Variants in HECW1 observed in about 807,000 individuals in gnomAD.
HECW1 encodes HECT, C2 and WW domain containing E3 ubiquitin protein ligase 1.
HECW1 carries 61 observed loss-of-function variants against 182.3 expected under a neutral mutation model. That is an observed-to-expected ratio of 0.33 (90% CI 0.27 to 0.41). The LOEUF is 0.41. Among genes scored for constraint, HECW1 ranks in the 10% least tolerant of loss-of-function variants. The probability of loss-of-function intolerance (pLI) is 1.00; values close to 1 mark genes in which losing one functional copy is unlikely to be tolerated. For missense variants in HECW1, 1,739 were observed against 2,108.9 expected (o/e 0.82, Z 3.44); for synonymous variants, 859 against 832.6 (o/e 1.03, Z -0.55).
intron 2 of HECW1, among the ~76,000 whole-genome samples, chr7:43,134,316 C>T (rs1007560808): frequency 1.4e-5 from 2 of 145,750 alleles, no homozygotes; most frequent in Admixed American, 1.4e-4. Context: ...ACCGCTTGAA[C>T]CCGGGAGGCA....
chr7:43,505,458 A>G (rs2079538648), intron 21 of HECW1, among the ~76,000 whole-genome samples: 1 of 152,222 alleles, frequency 6.6e-6, no homozygotes, highest in Non-Finnish European at 1.5e-5. Flanking sequence ...AAGTGACATC[A>G]TGCCAGCCAC....
intron 2 of HECW1, among the ~76,000 whole-genome samples, chr7:43,230,893 ATAAAT>A (rs10602318): frequency 0.23 from 34,471 of 151,860 alleles, 4,361 homozygotes; most frequent in Non-Finnish European, 0.28. Context: ...TTTAAAAAAA[ATAAAT>A]TAAAGCAGAA....
chr7:43,501,169 ACTTTCTTTT>A (rs765659758), intron 20 of HECW1, 35 bp from the exon 21 acceptor site: 2 of 1,177,212 alleles, frequency 1.7e-6, no homozygotes, highest in Non-Finnish European at 1.2e-6. Flanking sequence ...TGTAAAACTG[ACTTTCTTTT>A]CTTTCTTTTT....
At chr7:43,339,681 A>G (rs1156404540) in intron 5 of HECW1, among the ~76,000 whole-genome samples, 3 of 152,168 alleles carry the variant, frequency 2.0e-5, no homozygotes, top group African/African-American at 4.8e-5. Context: ...ATCTTCTCCC[A>G]AAGAGGGTTT....
chr7:43,455,812 C>G (rs2077383300), intron 12 of HECW1, among the ~76,000 whole-genome samples: 1 of 151,986 alleles, frequency 6.6e-6, no homozygotes, highest in African/African-American at 2.4e-5. Flanking sequence ...CAACCATGGC[C>G]AACATGGTGA....
chr7:43,461,659 C>T (rs887246480), intron 13 of HECW1, among the ~76,000 whole-genome samples: 1 of 152,158 alleles, frequency 6.6e-6, no homozygotes, highest in Admixed American at 6.5e-5. Context: ...CTTCACCATC[C>T]ATCACTCTTC....
chr7:43,521,033 C>T (rs958071994), intron 24 of HECW1, among the ~76,000 whole-genome samples: 1 of 152,180 alleles, frequency 6.6e-6, no homozygotes, highest in African/African-American at 2.4e-5. Context: ...CATGCCTGCT[C>T]CAACTCTCAG....
chr7:43,369,224 C>T (rs1348085135), intron 6 of HECW1, among the ~76,000 whole-genome samples: 1 of 152,040 alleles, frequency 6.6e-6, no homozygotes, highest in African/African-American at 2.4e-5. Context: ...TTTGGGAGGC[C>T]GAGGCAGGCA....
At chr7:43,332,073 TTTCTGCTGACCA>T (rs1400721982) in intron 5 of HECW1, among the ~76,000 whole-genome samples, 1 of 152,090 alleles carries the variant, frequency 6.6e-6, no homozygotes, top group Non-Finnish European at 1.5e-5. Context: ...AAGAAATGTG[TTTCTGCTGACCA>T]TTCTACAGTG....
intron 17 of HECW1, among the ~76,000 whole-genome samples, chr7:43,484,855 G>A (rs2078569091): frequency 6.6e-6 from 1 of 152,196 alleles, no homozygotes; most frequent in South Asian, 2.1e-4. Context: ...AGCAAAGCAG[G>A]CCTTATCTCT....
In HECW1 at chr7:43,112,817, C is replaced by G; in HGVS notation, c.-387C>G. 2 of 228,984 alleles carry G rather than the reference C, an allele frequency of 8.7e-6. No homozygotes were observed. The highest frequency in any genetic ancestry group is 1.2e-4 in the East Asian group (2 of 16,336). 14.2% of individuals were successfully genotyped at this position (228,984 alleles called of 1,614,324 possible). ...AGAGCGCAGCGAGAGCGGGCGGTCG[C>G]CAGGGTCCCCTCCCCAGCCAGTCCC... On this transcript the variant is annotated 5_prime_UTR_variant, in exon 1 of 30. Coordinates refer to ENST00000395891, the MANE Select transcript of HECW1 (RefSeq NM_015052.5).
intron 2 of HECW1, among the ~76,000 whole-genome samples, chr7:43,217,682 C>A (rs965073073): frequency 2.0e-5 from 3 of 152,140 alleles, no homozygotes; most frequent in Non-Finnish European, 4.4e-5. Flanking sequence ...TGATGAGGGG[C>A]TTAGGCATCA....
intron 2 of HECW1, among the ~76,000 whole-genome samples, chr7:43,140,870 C>T (rs1788082177): frequency 1.3e-5 from 2 of 152,154 alleles, no homozygotes; most frequent in South Asian, 2.1e-4. Context: ...CCTCACTCTG[C>T]TCACGTGGCC....
At position 43,366,912 on chromosome 7, in the gene HECW1, T is replaced by C. The variant is rs1472250157; in HGVS notation, c.555+5932T>C. Among the ~76,000 whole-genome samples the C allele has an allele frequency of 3.3e-5, 5 of 152,174 alleles. No individual in the cohort carries two copies. The East Asian group carries it at 7.7e-4, about 23-fold the overall frequency. On this transcript the variant is annotated intron_variant, in intron 6 of 29. Coordinates refer to ENST00000395891, the MANE Select transcript of HECW1 (RefSeq NM_015052.5). ...TGAGATCCCGGGAGAGCAGGCAGCCTTACACAGACCTCAGAACCACAGGAC... is the reference window on the plus strand; with the variant it reads ...TGAGATCCCGGGAGAGCAGGCAGCCCTACACAGACCTCAGAACCACAGGAC...
chr7:43,442,482 G>A (rs2076919441), intron 9 of HECW1, 47 bp from the exon 10 acceptor site: 1 of 1,345,092 alleles, frequency 7.4e-7, no homozygotes, highest in African/African-American at 1.4e-5. Flanking sequence ...TGGTCATTAG[G>A]AAGAGAGGTA....
chr7:43,388,042 T>G (rs1459490910), intron 6 of HECW1, among the ~76,000 whole-genome samples: 2 of 152,236 alleles, frequency 1.3e-5, no homozygotes, highest in East Asian at 3.8e-4. Context: ...CTCCATTTGA[T>G]GCAAAAGAAA....
intron 2 of HECW1, chr7:43,163,097 C>T (rs1415183820): frequency 6.6e-6 from 1 of 152,266 alleles, no homozygotes; most frequent in Non-Finnish European, 1.5e-5. Context: ...AGGGAGTTGA[C>T]CAGGAGCACA....
At chr7:43,487,911 A>ATTG (rs1352075213) in intron 17 of HECW1, among the ~76,000 whole-genome samples, 1 of 151,876 alleles carries the variant, frequency 6.6e-6, no homozygotes, top group African/African-American at 2.4e-5. Flanking sequence ...GTGAGCTATA[A>ATTG]TTGCACCACT....
chr7:43,456,586 C>T (rs1294046375), intron 13 of HECW1, 139 bp downstream of exon 13: 2 of 756,868 alleles, frequency 2.6e-6, no homozygotes, highest in Non-Finnish European at 3.8e-6. Context: ...AAACCTGTTC[C>T]TAGTAGGTAT....
Sources: gnomAD v4.1 joint callset for allele counts (sites outside exome capture counted in the v4.1 genomes callset) on GRCh38, gnomAD v4.1.1 for gene constraint, MANE v1.5 for transcripts, NCBI Gene and HGNC (gene_info 2026-07-23, HGNC 2026-07-21) for gene names.